Variants in ADAM11 observed in about 807,000 individuals in gnomAD.
The protein encoded by ADAM11 is ADAM metallopeptidase domain 11.
In ADAM11, 49 loss-of-function variants were observed where a neutral mutation model predicts 119.1. The observed-to-expected ratio is 0.41, with a 90% CI of 0.33 to 0.52. The LOEUF is 0.52. Ranked by LOEUF, ADAM11 falls within the 20% of genes least tolerant of loss-of-function variation. ADAM11 has a pLI of 0.20. For synonymous variants in ADAM11, 364 were observed against 408.0 expected (o/e 0.89, Z 1.30); for missense variants, 777 against 1,047.5 (o/e 0.74, Z 3.56).
rs747604420 is a variant in ADAM11, at chr17:44,772,478, C to T, written c.678+12C>T. Reference sequence around the variant, plus strand: ...GAAGGAAAAGGCAGGTACGGGGGCCCGCACAGACCTCGGGCTGCAGAGACC... The same window carrying T: ...GAAGGAAAAGGCAGGTACGGGGGCCTGCACAGACCTCGGGCTGCAGAGACC... On this transcript the variant is annotated intron_variant, in intron 8 of 26. Transcript: ENST00000200557. The surrounding 1 kb of genome is among the most constrained non-coding windows in gnomAD (Gnocchi z 4.5). The T allele has an allele frequency of 1.4e-5, 22 of 1,561,306 alleles. No individual in the cohort carries two copies. The highest frequency in any genetic ancestry group is 9.5e-5 in the Admixed American group (5 of 52,666).
In ADAM11 at chr17:44,772,618, G is replaced by A. The variant is rs1283693040; in HGVS notation, c.678+152G>A. ...GCTGGGGGCCAGGGACCGTGTCTGG[G>A]AGAAGCCCCCACCCCTTCCCTAATG... On this transcript the variant is annotated intron_variant, in intron 8 of 26. Transcript: ENST00000200557. The surrounding 1 kb of genome is among the most constrained non-coding windows in gnomAD (Gnocchi z 4.5). The A allele has an allele frequency of 3.5e-6, 4 of 1,150,682 alleles. No homozygotes were observed. The African/African-American group carries it at 6.2e-5, about 18-fold the overall frequency. The allele number at this position is 1,150,682 out of a possible 1,614,324, so 71.3% of individuals were successfully genotyped here.
Position 44,773,569 on chromosome 17 carries a change from C to T in ADAM11, c.992+142C>T. The T allele has an allele frequency of 1.0e-6, 1 of 997,282 alleles. No individual in the cohort carries two copies. The highest frequency in any genetic ancestry group is 1.7e-5 in the South Asian group (1 of 59,142). 61.8% of individuals were successfully genotyped at this position (997,282 alleles called of 1,614,324 possible). Reference sequence around the variant, plus strand: ...CTTGCACCTGCCACCTACCCCCAGCCACATGCAACAGCTGGGCATCATCCC... The same window carrying T: ...CTTGCACCTGCCACCTACCCCCAGCTACATGCAACAGCTGGGCATCATCCC... On this transcript the variant is annotated intron_variant, in intron 11 of 26. Transcript: ENST00000200557. This position sits in a 1 kb window ranked among gnomAD's most constrained non-coding sequence, Gnocchi z 4.6.
chr17:44,769,622 C>T (rs1430137091), intron 2 of ADAM11, 96 bp from the exon 3 acceptor site: 2 of 796,360 alleles, frequency 2.5e-6, no homozygotes, highest in Non-Finnish European at 4.2e-6. Flanking sequence ...GGGCTGGCCA[C>T]CCCTTCCCCA....
At chr17:44,771,364 C>T (rs2049521162) in intron 4 of ADAM11, among the ~76,000 whole-genome samples, 1 of 151,904 alleles carries the variant, frequency 6.6e-6, no homozygotes, top group South Asian at 2.1e-4. Flanking sequence ...GTGAAGGAGG[C>T]CCAGAGGTTC....
Position 44,759,130 on chromosome 17 carries a change from C to G in ADAM11, c.-70C>G. On this transcript the variant is annotated 5_prime_UTR_variant, in exon 1 of 27. Transcript: ENST00000200557. ...CTCCGCAGCTGGCGCCTCCCCACCC[C>G]CGTCCCTGCTCCCGCCCTCCCCGCG... 9.5e-7 allele frequency: 1 copy of G among 1,051,420 alleles called. No individual in the cohort carries two copies. The highest frequency in any genetic ancestry group is 1.2e-6 in the Non-Finnish European group (1 of 832,200). The allele number at this position is 1,051,420 out of a possible 1,614,324, so 65.1% of individuals were successfully genotyped here. A position where few individuals can be genotyped will look rare whatever the true frequency, so the allele number is the denominator to read the frequency against.
chr17:44,778,887 C>T (rs557696407), intron 25 of ADAM11, among the ~76,000 whole-genome samples: 34 of 152,206 alleles, frequency 2.2e-4, no homozygotes, highest in Non-Finnish European at 4.4e-4. Context: ...GGCATGTGTC[C>T]TCCAGTCTCC....
chr17:44,779,387 G>A, intron 26 of ADAM11, 148 bp downstream of exon 26: 1 of 1,454,634 alleles, frequency 6.9e-7, no homozygotes, highest in South Asian at 1.5e-5. Context: ...GGCTGTCCCG[G>A]CAGGGGTGGG....
At chr17:44,778,713 A>AAT (rs71136047) in intron 25 of ADAM11, among the ~76,000 whole-genome samples, 1 of 80,426 alleles carries the variant, frequency 1.2e-5, no homozygotes, top group Non-Finnish European at 2.2e-5. Flanking sequence ...AAAAAAAAAA[A>AAT]GAAAGAAAGA....
intron 14 of ADAM11, 73 bp downstream of exon 14, chr17:44,774,822 C>G (rs909642180): frequency 3.7e-5 from 58 of 1,551,734 alleles, no homozygotes; most frequent in Non-Finnish European, 6.9e-6. Flanking sequence ...GTTTGGCAGT[C>G]TGGACCAGGG....
Position 44,776,066 on chromosome 17 carries a change from TG to T in ADAM11, c.1486-57del. 2 of 1,586,468 alleles carry T rather than the reference TG, an allele frequency of 1.3e-6. No homozygotes were observed. Among genetic ancestry groups the T allele is most frequent in the Non-Finnish European group, 1.7e-6 (2 of 1,159,724 alleles). On this transcript the variant is annotated intron_variant, in intron 17 of 26. Coordinates refer to ENST00000200557, the MANE Select transcript of ADAM11 (RefSeq NM_002390.6). The surrounding 1 kb of genome is among the most constrained non-coding windows in gnomAD (Gnocchi z 5.2). ...GTGGGGGTCCAGAGAGCGAGGGGCC[TG>T]GGGAGGGCAGGGCCGAGGCATCCAT...
chr17:44,770,341 C>G (rs757953665), intron 4 of ADAM11, among the ~76,000 whole-genome samples: 9 of 152,176 alleles, frequency 5.9e-5, no homozygotes, highest in Admixed American at 4.6e-4. Context: ...ATCCCCCTCT[C>G]CAGACTCTTC....
rs1481019343 is a variant in ADAM11 at position 44,759,907 on chromosome 17, G to T, written c.237+10G>T. 4 of 1,282,480 alleles carry T rather than the reference G, an allele frequency of 3.1e-6. No individual in the cohort carries two copies. The highest frequency in any genetic ancestry group is 1.5e-5 in the African/African-American group (1 of 65,678). The allele number at this position is 1,282,480 out of a possible 1,614,324, so 79.4% of individuals were successfully genotyped here. A position where few individuals can be genotyped will look rare whatever the true frequency, so the allele number is the denominator to read the frequency against. On this transcript the variant is annotated intron_variant, in intron 2 of 26. Transcript: ENST00000200557. ...GCCACCAGGGGGCCCGGTGAGTGGG[G>T]CTGGGTGGTGAGGCCAGGGGCTGAA...
chr17:44,771,938 C>G lies in ADAM11; in HGVS notation c.543+107C>G. The stretch of plus-strand genomic sequence containing the variant: ...TCCTCCGGCTCCTCCCTCAGTAACC[C>G]CAGCCTCACTGCCCTCTTCAGTGAC... On this transcript the variant is annotated intron_variant, in intron 6 of 26. Coordinates refer to ENST00000200557, the MANE Select transcript of ADAM11 (RefSeq NM_002390.6). 3 of 1,315,904 alleles carry G rather than the reference C, an allele frequency of 2.3e-6. No homozygotes were observed. In the South Asian group the frequency reaches 4.0e-5, roughly 18 times the overall value. The allele number at this position is 1,315,904 out of a possible 1,614,324, so 81.5% of individuals were successfully genotyped here. A position where few individuals can be genotyped will look rare whatever the true frequency, so the allele number is the denominator to read the frequency against.
intron 25 of ADAM11, 94 bp from the exon 26 acceptor site, chr17:44,779,128 A>G (rs1218512364): frequency 1.3e-6 from 2 of 1,498,100 alleles, no homozygotes; most frequent in South Asian, 1.2e-5. Flanking sequence ...CTCTGGGGCA[A>G]GGGGTCGCAT....
rs1334334569 is a variant in ADAM11, at chr17:44,775,686, A to G, written c.1485+10A>G. The G allele has an allele frequency of 6.4e-7, 1 of 1,568,582 alleles. No individual in the cohort carries two copies. The highest frequency in any genetic ancestry group is 1.8e-5 in the Admixed American group (1 of 54,944). ...CTGTCGCCGCTGCAAGGTAAGCAGG[A>G]CCGGCCGGGAGGCGGGGCCAGGACG... On this transcript the variant is annotated intron_variant, in intron 17 of 26. Coordinates refer to ENST00000200557, the MANE Select transcript of ADAM11 (RefSeq NM_002390.6). The surrounding 1 kb of genome is among the most constrained non-coding windows in gnomAD (Gnocchi z 7.5).
In ADAM11 at chr17:44,779,830, G is replaced by A. The variant is rs768027018; in HGVS notation, c.*76G>A. The A allele has an allele frequency of 2.0e-5, 32 of 1,568,714 alleles. No homozygotes were observed. Among genetic ancestry groups the A allele is most frequent in the Admixed American group, 5.0e-5 (3 of 59,680 alleles). ...CACGAGGCTGCCCCCATCCAGCCAC[G>A]GAGGGAGGCACCATGCAAATGTCTT... On this transcript the variant is annotated 3_prime_UTR_variant, in exon 27 of 27. Coordinates refer to ENST00000200557, the MANE Select transcript of ADAM11 (RefSeq NM_002390.6).
rs1490987641 is a variant in ADAM11 at position 44,776,917 on chromosome 17, C to T, written c.1636C>T (p.Arg546Cys). The change falls in exon 20 of 27, where the codon CGC becomes TGC. Residue 546 changes from arginine (R) to cysteine (C), a missense_variant. By Grantham distance (180) the Arg-to-Cys change is radical. Around this residue, in one of 4 missense-constraint regions of ADAM11, gnomAD observed 348 missense variants for 486.7 expected, o/e 0.72. Transcript: ENST00000200557. This position sits in a 1 kb window ranked among gnomAD's most constrained non-coding sequence, Gnocchi z 5.2. Reference protein sequence around the residue: ...DHEQGRCYGGRCKTRDRQCQV... With the variant: ...DHEQGRCYGGCCKTRDRQCQV... ...CTCTCAGGGCCGCTGCTACGGAGGT[C>T]GCTGCAAAACCCGGGACCGGCAGTG... 2 of 1,613,356 alleles carry T rather than the reference C, an allele frequency of 1.2e-6. No individual in the cohort carries two copies. Among genetic ancestry groups the T allele is most frequent in the South Asian group, 1.1e-5 (1 of 91,072 alleles).
Position 44,772,516 on chromosome 17 carries a change from G to A in ADAM11, c.678+50G>A. On this transcript the variant is annotated intron_variant, in intron 8 of 26. Transcript: ENST00000200557. The surrounding 1 kb of genome is among the most constrained non-coding windows in gnomAD (Gnocchi z 4.5). ...GGCTGCAGAGACCTCGGGCTGCAGA[G>A]AGACCTCAGGCCGTGGCCCAGAGCA... 6.5e-7 allele frequency: 1 copy of A among 1,542,506 alleles called. No homozygotes were observed.
In ADAM11 at chr17:44,776,118, C is replaced by G. The variant is rs1167781273; in HGVS notation, c.1486-9C>G. 1.2e-6 allele frequency: 2 copies of G among 1,613,396 alleles called. No individual in the cohort carries two copies. Among genetic ancestry groups the G allele is most frequent in the African/African-American group, 1.3e-5 (1 of 74,904 alleles). On this transcript the variant is annotated splice_polypyrimidine_tract_variant and intron_variant, in intron 17 of 26. Coordinates refer to ENST00000200557, the MANE Select transcript of ADAM11 (RefSeq NM_002390.6). This position sits in a 1 kb window ranked among gnomAD's most constrained non-coding sequence, Gnocchi z 5.2. ...CCTGCCTGACTCGAGGAGCGCGTCT[C>G]TTCCCTAGTACGAACCACGGGGTGT...
Sources: allele counts gnomAD v4.1 joint callset (sites outside exome capture counted in the v4.1 genomes callset), GRCh38; gene constraint gnomAD v4.1.1; regional missense constraint gnomAD v4.1.1; non-coding constraint Gnocchi (gnomAD v3.1); transcripts MANE v1.5; gene names NCBI Gene and HGNC (gene_info 2026-07-23, HGNC 2026-07-21).